The following PRKG1 variants were observed in gnomAD, a reference collection of about 807,000 sequenced individuals.
PRKG1 encodes protein kinase cGMP-dependent 1.
Under a neutral mutation model 88.1 loss-of-function variants are expected in PRKG1, and 35 were observed. That is an observed-to-expected ratio of 0.40 (90% CI 0.30 to 0.53). The LOEUF (loss-of-function observed/expected upper bound fraction) is 0.53. PRKG1 is among the 20% of genes least tolerant of loss of function. The probability of loss-of-function intolerance (pLI) is 0.59; values close to 1 mark genes in which losing one functional copy is unlikely to be tolerated. For synonymous variants in PRKG1, 303 were observed against 292.5 expected (o/e 1.04, Z -0.37); for missense variants, 540 against 839.8 (o/e 0.64, Z 4.41).
intron 5 of PRKG1, among the ~76,000 whole-genome samples, chr10:51,937,799 C>T (rs912837594): frequency 5.3e-5 from 8 of 151,990 alleles, no homozygotes; most frequent in Non-Finnish European, 1.2e-4. Flanking sequence ...CCCCCTTATC[C>T]ACAGTTTCAC....
At chr10:51,036,043 C>T (rs1329847618) in intron 1 of PRKG1, among the ~76,000 whole-genome samples, 1 of 152,114 alleles carries the variant, frequency 6.6e-6, no homozygotes, top group Non-Finnish European at 1.5e-5. Context: ...ACATTTCAAT[C>T]GTATCCCATT....
intron 5 of PRKG1, among the ~76,000 whole-genome samples, chr10:52,000,586 G>A (rs138717399): frequency 1.1e-3 from 171 of 152,120 alleles, no homozygotes; most frequent in African/African-American, 3.8e-3. Context: ...AATTGGTTGT[G>A]AATGAAAGCA....
chr10:51,839,736 T>G (rs1351138651), intron 4 of PRKG1, among the ~76,000 whole-genome samples: 1 of 152,174 alleles, frequency 6.6e-6, no homozygotes, highest in Non-Finnish European at 1.5e-5. Context: ...TGCCTTCCTA[T>G]GGAGGTCGTT....
intron 2 of PRKG1, among the ~76,000 whole-genome samples, chr10:51,163,487 T>A (rs1846421608): frequency 6.6e-6 from 1 of 152,162 alleles, no homozygotes; most frequent in South Asian, 2.1e-4. Context: ...TTTCTGCATT[T>A]CCATCTGAGG....
chr10:51,225,437 G>A (rs1429069989), intron 2 of PRKG1, among the ~76,000 whole-genome samples: 2 of 152,138 alleles, frequency 1.3e-5, no homozygotes, highest in African/African-American at 2.4e-5. Context: ...ATGAATTAAT[G>A]TATTAATATA....
intron 4 of PRKG1, among the ~76,000 whole-genome samples, chr10:51,851,352 G>A (rs1488990939): frequency 6.6e-6 from 1 of 152,154 alleles, no homozygotes; most frequent in Admixed American, 6.5e-5. Context: ...TGTGGGTGGG[G>A]TTGTTGCTAC....
At chr10:51,549,706 G>A (rs753176164) in intron 3 of PRKG1, among the ~76,000 whole-genome samples, 3 of 152,092 alleles carry the variant, frequency 2.0e-5, no homozygotes, top group Non-Finnish European at 4.4e-5. Flanking sequence ...AACTCGTGGT[G>A]TTCTCTATTT....
At chr10:51,597,671 G>A (rs1416660245) in intron 3 of PRKG1, among the ~76,000 whole-genome samples, 1 of 152,144 alleles carries the variant, frequency 6.6e-6, no homozygotes, top group Non-Finnish European at 1.5e-5. Context: ...AACTCTCTCA[G>A]GGTCCTGTGG....
Position 51,943,688 on chromosome 10 carries a change from C to T in PRKG1, c.762+36118C>T, listed in dbSNP as rs989826651. ...AGGGCTGTTGAACTTTGTCAAAGGC[C>T]TTTTCTGCATCTATTCAGATAATCG... is the stretch of plus-strand genomic sequence containing the variant. On this transcript the variant is annotated intron_variant, in intron 5 of 17. Transcript: ENST00000373980. 1.1e-4 allele frequency among the ~76,000 whole-genome samples: 17 copies of T among 152,042 alleles called. No individual in the cohort carries two copies. The East Asian group carries it at 3.3e-3, about 29-fold the overall frequency.
intron 2 of PRKG1, among the ~76,000 whole-genome samples, chr10:51,270,360 T>C (rs1173460304): frequency 6.6e-6 from 1 of 152,160 alleles, no homozygotes; most frequent in Admixed American, 6.6e-5. Context: ...TCATTTTGGA[T>C]TTTTTAAGAG....
chr10:51,000,237 G>A (rs769542196), intron 1 of PRKG1, among the ~76,000 whole-genome samples: 45 of 152,176 alleles, frequency 3.0e-4, no homozygotes, highest in African/African-American at 9.9e-4. Context: ...ATAAGATTGC[G>A]TGCACTCACA....
At chr10:51,712,258 A>G (rs1006785309) in intron 3 of PRKG1, among the ~76,000 whole-genome samples, 2 of 152,192 alleles carry the variant, frequency 1.3e-5, no homozygotes, top group Non-Finnish European at 2.9e-5. Flanking sequence ...CTCTGAGTAT[A>G]GAGAGGGCAC....
chr10:51,551,267 C>A (rs1456712989), intron 3 of PRKG1, among the ~76,000 whole-genome samples: 1 of 151,730 alleles, frequency 6.6e-6, no homozygotes, highest in African/African-American at 2.4e-5. Flanking sequence ...GCACAAGGAT[C>A]CTTTGTTAAG....
chr10:51,882,989 T>C (rs1345580455), intron 4 of PRKG1, among the ~76,000 whole-genome samples: 1 of 152,140 alleles, frequency 6.6e-6, no homozygotes, highest in Non-Finnish European at 1.5e-5. Flanking sequence ...TCTGTGAGGG[T>C]GTTTCCAGAA....
At chr10:52,262,265 T>G (rs1841450760) in intron 10 of PRKG1, among the ~76,000 whole-genome samples, 1 of 152,032 alleles carries the variant, frequency 6.6e-6, no homozygotes, top group African/African-American at 2.4e-5. Context: ...AGCTGGTTTT[T>G]TTTGTTTGTT....
In PRKG1 at chr10:52,178,249, TTC is replaced by T. The variant is rs750281892; in HGVS notation, c.1076+16288_1076+16289del. Among the ~76,000 whole-genome samples, 15 of 152,248 alleles carry T rather than the reference TTC, an allele frequency of 9.9e-5. No homozygotes were observed. The East Asian group carries it at 1.5e-3, about 16-fold the overall frequency. On this transcript the variant is annotated intron_variant, in intron 9 of 17. Transcript: ENST00000373980. Reference sequence around the variant, plus strand: ...GAAATTTTTAAATTTCATTTTACATTTCTTTCTTCAGTCATTGGTCATTCAGT... The same window carrying T: ...GAAATTTTTAAATTTCATTTTACATTTTTCTTCAGTCATTGGTCATTCAGT...
intron 3 of PRKG1, among the ~76,000 whole-genome samples, chr10:51,588,720 G>T (rs1720569962): frequency 6.6e-6 from 1 of 152,306 alleles, no homozygotes; most frequent in Admixed American, 6.5e-5. Flanking sequence ...TGAGGGTTGA[G>T]ATTCCAGTGA....
intron 5 of PRKG1, among the ~76,000 whole-genome samples, chr10:52,001,158 GT>G (rs908987188): frequency 6.6e-6 from 1 of 151,814 alleles, no homozygotes; most frequent in Non-Finnish European, 1.5e-5. Context: ...GTTCAACCAT[GT>G]TTTTACAAAT....
intron 4 of PRKG1, among the ~76,000 whole-genome samples, chr10:51,823,754 T>A (rs1839810097): frequency 6.6e-6 from 1 of 152,058 alleles, no homozygotes; most frequent in East Asian, 1.9e-4. Flanking sequence ...TAAACTATGG[T>A]AGTATTCCAT....
Sources: allele counts gnomAD v4.1 joint callset (sites outside exome capture counted in the v4.1 genomes callset), GRCh38; gene constraint gnomAD v4.1.1; transcripts MANE v1.5; gene names NCBI Gene and HGNC (gene_info 2026-07-23, HGNC 2026-07-21).